SORCS3: variants seen among roughly 807,000 people sequenced by gnomAD.
The protein encoded by SORCS3 is VPS10 domain-containing receptor SorCS3.
A neutral mutation model predicts 146.3 loss-of-function variants in SORCS3; 57 were observed. The ratio of observed to expected loss-of-function variants is 0.39; its 90% confidence interval spans 0.31 to 0.49. The LOEUF (loss-of-function observed/expected upper bound fraction) is 0.49, where lower values mean the gene tolerates loss of function less well. Ranked by LOEUF, SORCS3 falls within the 20% of genes least tolerant of loss-of-function variation. SORCS3 has a pLI of 0.92. For synonymous variants in SORCS3, 653 were observed against 618.5 expected, an observed-to-expected ratio of 1.06 and a Z score of -0.83; for missense variants, 1,341 against 1,575.5, an observed-to-expected ratio of 0.85 and a Z score of 2.52.
chr10:105,081,085 G>A (rs972076060), intron 5 of SORCS3, among the ~76,000 whole-genome samples: 8 of 151,976 alleles, frequency 5.3e-5, no homozygotes, highest in Non-Finnish European at 7.4e-5. Flanking sequence ...ATTGTACCCC[G>A]TAAATGTATA....
intron 1 of SORCS3, among the ~76,000 whole-genome samples, chr10:104,828,732 T>G (rs1246973246): frequency 1.3e-5 from 2 of 152,248 alleles, no homozygotes; most frequent in East Asian, 3.9e-4. Flanking sequence ...CAAGGTACCT[T>G]TGTCTTCTCT....
intron 2 of SORCS3, among the ~76,000 whole-genome samples, chr10:104,876,350 C>T (rs2018571495): frequency 6.6e-6 from 1 of 152,106 alleles, no homozygotes; most frequent in African/African-American, 2.4e-5. Context: ...TGGGTTTCTG[C>T]CTTTTCATTT....
intron 17 of SORCS3, among the ~76,000 whole-genome samples, chr10:105,212,076 T>C (rs188939456): frequency 3.3e-3 from 499 of 152,346 alleles, no homozygotes; most frequent in Admixed American, 5.8e-3. Context: ...TCAGTCAAGT[T>C]ATTCATCTTC....
chr10:104,882,467 G>A (rs1317798850), intron 2 of SORCS3, among the ~76,000 whole-genome samples: 1 of 152,244 alleles, frequency 6.6e-6, no homozygotes, highest in South Asian at 2.1e-4. Context: ...AATGCTTAAG[G>A]TTTTGAAGGG....
Position 105,245,980 on chromosome 10 carries a change from C to T in SORCS3, c.2992+315C>T, listed in dbSNP as rs530800902. ...GTATCTACAACATATATGCAGGACA[C>T]ACTCTTTGTGAGATGAGGACCAGCA... On this transcript the variant is annotated intron_variant, in intron 21 of 26. Transcript: ENST00000369701. Among the ~76,000 whole-genome samples, 97 of 152,272 alleles carry T rather than the reference C, an allele frequency of 6.4e-4. 2 individuals are homozygous for T. In the South Asian group the frequency reaches 0.019, roughly 30 times the overall value.
rs146517249 is a variant in SORCS3, at chr10:104,648,896, G to T, written c.627+6942G>T. 9.3e-3 allele frequency among the ~76,000 whole-genome samples: 1,421 copies of T among 152,242 alleles called. 19 individuals carry two copies. Among genetic ancestry groups the T allele is most frequent in the African/African-American group, 0.032 (1,346 of 41,516 alleles). On this transcript the variant is annotated intron_variant, in intron 1 of 26. Coordinates refer to ENST00000369701, the MANE Select transcript of SORCS3 (RefSeq NM_014978.3). Reference sequence around the variant, plus strand: ...AATCAGAGGAAGCCATCCCTGCTTGGTTGAGATGAGAGGGACCTGCAGCAG... The same window carrying T: ...AATCAGAGGAAGCCATCCCTGCTTGTTTGAGATGAGAGGGACCTGCAGCAG...
chr10:104,768,034 T>G (rs2017202352), intron 1 of SORCS3, among the ~76,000 whole-genome samples: 1 of 152,140 alleles, frequency 6.6e-6, no homozygotes, highest in Non-Finnish European at 1.5e-5. Context: ...GAGTCAAATG[T>G]TTTCTGAAAA....
chr10:105,205,324 C>T (rs1213888514), intron 16 of SORCS3, among the ~76,000 whole-genome samples: 2 of 152,184 alleles, frequency 1.3e-5, no homozygotes, highest in Non-Finnish European at 2.9e-5. Flanking sequence ...TCTAGATTCT[C>T]AGAACATTTA....
At chr10:104,909,666 C>T (rs1344107936) in intron 2 of SORCS3, among the ~76,000 whole-genome samples, 1 of 152,048 alleles carries the variant, frequency 6.6e-6, no homozygotes, top group African/African-American at 2.4e-5. Flanking sequence ...CATCAGATGG[C>T]CCCGTGAGAG....
In SORCS3 at chr10:105,262,434, A is replaced by T; in HGVS notation, c.3547A>T (p.Ser1183Cys). The T allele has an allele frequency of 6.2e-7, 1 of 1,614,066 alleles. No homozygotes were observed. The highest frequency in any genetic ancestry group is 8.5e-7 in the Non-Finnish European group (1 of 1,179,956). ...QSENAPKITL[S>C]DFTEPEELLD... ...TGAAAACGCCCCCAAAATCACACTC[A>T]GTGACTTTACGGAGCCTGAGGAGCT... The change falls in exon 26 of 27, where the codon AGT becomes TGT. Residue 1183 changes from serine to cysteine, a missense_variant. By Grantham distance (112) the Ser-to-Cys change is moderately radical. Transcript: ENST00000369701.
At chr10:105,160,791 G>A (rs1479918788) in intron 11 of SORCS3, among the ~76,000 whole-genome samples, 3 of 152,160 alleles carry the variant, frequency 2.0e-5, no homozygotes, top group Non-Finnish European at 4.4e-5. Context: ...TAAATCCGAT[G>A]CATGCACTAT....
chr10:104,794,851 C>T (rs915194089), intron 1 of SORCS3, among the ~76,000 whole-genome samples: 1 of 152,156 alleles, frequency 6.6e-6, no homozygotes, highest in Non-Finnish European at 1.5e-5. Context: ...TGTAGCCCAA[C>T]ACTCACTTAA....
At chr10:104,966,518 T>C (rs1463564730) in intron 3 of SORCS3, among the ~76,000 whole-genome samples, 1 of 152,218 alleles carries the variant, frequency 6.6e-6, no homozygotes, top group Non-Finnish European at 1.5e-5. Flanking sequence ...GAGAAAAGTC[T>C]GTTTGCTCCT....
chr10:104,897,813 G>A (rs757092929), intron 2 of SORCS3, among the ~76,000 whole-genome samples: 2 of 152,268 alleles, frequency 1.3e-5, no homozygotes, highest in Non-Finnish European at 1.5e-5. Flanking sequence ...TGTTCTGGTC[G>A]CTAATGAGTT....
intron 3 of SORCS3, among the ~76,000 whole-genome samples, chr10:104,938,461 ACT>A (rs1306802294): frequency 6.6e-6 from 1 of 151,512 alleles, no homozygotes; most frequent in Non-Finnish European, 1.5e-5. Flanking sequence ...TCTCACTCAT[ACT>A]CTTTGACCTT....
At chr10:104,755,236 C>G (rs1032889317) in intron 1 of SORCS3, among the ~76,000 whole-genome samples, 2 of 152,178 alleles carry the variant, frequency 1.3e-5, no homozygotes, top group East Asian at 1.9e-4. Flanking sequence ...TTCAATGATT[C>G]ATACAGCTGT....
intron 1 of SORCS3, among the ~76,000 whole-genome samples, chr10:104,691,086 G>A (rs545086286): frequency 6.6e-6 from 1 of 152,222 alleles, no homozygotes; most frequent in Non-Finnish European, 1.5e-5. Context: ...CTGCAGTGCT[G>A]TTGCCCTCCT....
At chr10:104,701,698 G>A (rs976202554) in intron 1 of SORCS3, among the ~76,000 whole-genome samples, 3 of 152,202 alleles carry the variant, frequency 2.0e-5, no homozygotes, top group Non-Finnish European at 4.4e-5. Context: ...AATCCTAAGT[G>A]CAGTGGTAAT....
intron 4 of SORCS3, among the ~76,000 whole-genome samples, chr10:104,989,902 T>C (rs1051855534): frequency 6.6e-6 from 1 of 152,238 alleles, no homozygotes; most frequent in Non-Finnish European, 1.5e-5. Context: ...CTCATATTTA[T>C]GTTATTTCAA....
Sources: allele counts gnomAD v4.1 joint callset (sites outside exome capture counted in the v4.1 genomes callset), GRCh38; gene constraint gnomAD v4.1.1; transcripts MANE v1.5; gene names NCBI Gene and HGNC (gene_info 2026-07-23, HGNC 2026-07-21).